Variants in TRIM29 observed in about 807,000 individuals in gnomAD.
TRIM29 encodes the protein tripartite motif-containing protein 29.
A neutral mutation model predicts 57.3 loss-of-function variants in TRIM29; 52 were observed. The ratio of observed to expected loss-of-function variants is 0.91; its 90% CI spans 0.73 to 1.14. The LOEUF is 1.14. TRIM29 is among the 50% of genes most tolerant of loss of function. TRIM29 has a pLI of 0.00. For synonymous variants in TRIM29, 319 were observed against 316.9 expected, an observed-to-expected ratio of 1.01 and a Z score of -0.07; for missense variants, 753 against 774.6, an observed-to-expected ratio of 0.97 and a Z score of 0.33.
intron 2 of TRIM29, among the ~76,000 whole-genome samples, chr11:120,127,965 G>A (rs985291745): frequency 7.2e-5 from 11 of 152,168 alleles, no homozygotes; most frequent in African/African-American, 2.4e-4. Flanking sequence ...GTGTATGCTG[G>A]CTGTGTATGT....
rs557844201 is a variant in TRIM29, at chr11:120,128,407, C to T, written c.893G>A (p.Arg298His). ...EAEKWQKEKD[R>H]IKSFTTNEKA... ...AGCTTGGGGGCTGCTCACCTTGATGCGGTCCTTCTCCTTCTGCCACTTCTC... is the reference window on the plus strand; with the variant it reads ...AGCTTGGGGGCTGCTCACCTTGATGTGGTCCTTCTCCTTCTGCCACTTCTC... Residue 298 changes from arginine to histidine, a missense_variant, in exon 2 of 9, where the codon CGC becomes CAC. Coordinates refer to ENST00000341846, the MANE Select transcript of TRIM29 (RefSeq NM_012101.4). The T allele has an allele frequency of 2.9e-5, 47 of 1,611,514 alleles. No homozygotes were observed. The highest frequency in any genetic ancestry group is 2.9e-4 in the East Asian group (13 of 44,878).
intron 6 of TRIM29, among the ~76,000 whole-genome samples, chr11:120,120,184 C>T (rs534475775): frequency 4.6e-5 from 7 of 151,444 alleles, no homozygotes; most frequent in South Asian, 2.1e-4. Context: ...GGGGGGGTGG[C>T]GCATTCCCCA....
At position 120,127,467 on chromosome 11, in the gene TRIM29, G is replaced by A. The variant is rs754251311; in HGVS notation, c.1003C>T (p.Arg335Trp). 5.1e-5 allele frequency: 83 copies of A among 1,614,008 alleles called. No homozygotes were observed. The highest frequency in any genetic ancestry group is 1.8e-4 in the East Asian group (8 of 44,896). The change falls in exon 3 of 9, where the codon CGG becomes TGG. Residue 335 changes from arginine to tryptophan, a missense_variant. Coordinates refer to ENST00000341846, the MANE Select transcript of TRIM29 (RefSeq NM_012101.4). Reference sequence around the variant, plus strand: ...ACTTGGTCCACAGCATCCTGCTCCCGCTGCTCCAGCGCAGCCCTCACTTCC... The same window carrying A: ...ACTTGGTCCACAGCATCCTGCTCCCACTGCTCCAGCGCAGCCCTCACTTCC... The part of the protein sequence containing the change: ...KEEVRAALEQ[R>W]EQDAVDQVKV...
chr11:120,121,675 A>G, intron 5 of TRIM29: 1 of 207,942 alleles, frequency 4.8e-6, no homozygotes, highest in South Asian at 7.9e-5. Flanking sequence ...AAGATGCCCC[A>G]GGCCCTAGGC....
Position 120,137,597 on chromosome 11 carries a change from GGGCTCCATGATGGACACCGT to G in TRIM29, c.415_434del (p.Thr139ArgfsTer76). The G allele has an allele frequency of 9.9e-6, 16 of 1,613,350 alleles. No individual in the cohort carries two copies. Among genetic ancestry groups the G allele is most frequent in the Non-Finnish European group, 1.4e-5 (16 of 1,179,982 alleles). On this transcript the variant is annotated frameshift_variant, in exon 1 of 9. Coordinates refer to ENST00000341846, the MANE Select transcript of TRIM29 (RefSeq NM_012101.4). LOFTEE classifies it high-confidence loss of function. This position sits in a 1 kb window ranked among gnomAD's most constrained non-coding sequence, Gnocchi z 6.2. ...GGTAGCTGTTCCGCCGGGTCTCCCC[GGGCTCCATGATGGACACCGT>G]GGGCTTCCGGGACTCCGAGAAAATG...
intron 5 of TRIM29, chr11:120,120,884 A>T: frequency 3.1e-6 from 2 of 651,590 alleles, no homozygotes; most frequent in Non-Finnish European, 5.6e-6. Context: ...GAGCATCAGC[A>T]TAAACTTGGA....
chr11:120,115,376 G>A lies in TRIM29; in HGVS notation c.1666C>T (p.Gln556Ter). The change falls in exon 8 of 9, where the codon CAG (glutamine) becomes TAG (stop). Residue 556 changes from glutamine (Q) to a stop codon, truncating the protein, a stop_gained. Transcript: ENST00000341846. LOFTEE classifies it high-confidence loss of function. ...SLMRSQSPKAQPQTWKSGKQT... is the reference protein window; with the variant it reads ...SLMRSQSPKA ...TTGCCAGATTTCCAAGTCTGGGGCT[G>A]GGCCTTGGGGCTTTGGCTCCGCATG... 1.2e-6 allele frequency: 2 copies of A among 1,613,942 alleles called. No individual in the cohort carries two copies. Among genetic ancestry groups the A allele is most frequent in the South Asian group, 1.1e-5 (1 of 91,022 alleles).
intron 6 of TRIM29, among the ~76,000 whole-genome samples, chr11:120,119,788 C>T (rs562831086): frequency 4.6e-5 from 7 of 152,134 alleles, no homozygotes; most frequent in Admixed American, 6.5e-5. Context: ...TGGGGGCTGA[C>T]CCAGTCCCCT....
chr11:120,121,658 C>G (rs1056571875), intron 5 of TRIM29: 3 of 202,958 alleles, frequency 1.5e-5, no homozygotes, highest in Non-Finnish European at 2.1e-5. Context: ...GGTACTGAGG[C>G]CTGCCCAAGA....
chr11:120,137,746 T>C lies in TRIM29; in HGVS notation c.286A>G (p.Met96Val), dbSNP rs773957285. The C allele has an allele frequency of 3.1e-6, 5 of 1,612,516 alleles. No individual in the cohort carries two copies. The highest frequency in any genetic ancestry group is 4.2e-6 in the Non-Finnish European group (5 of 1,180,012). ...GDDKNSNYFS[M>V]DSMEGKRSPY... ...GACCTCTTGCCTTCCATAGAGTCCA[T>C]GCTGAAGTAGTTGGAGTTCTTGTCG... Residue 96 changes from methionine (M) to valine (V), a missense_variant, in exon 1 of 9, where the codon ATG becomes GTG. Transcript: ENST00000341846. The surrounding 1 kb of genome is among the most constrained non-coding windows in gnomAD (Gnocchi z 6.2).
chr11:120,119,097 C>G (rs1863363318), intron 6 of TRIM29, among the ~76,000 whole-genome samples: 2 of 152,162 alleles, frequency 1.3e-5, no homozygotes, highest in Non-Finnish European at 2.9e-5. Flanking sequence ...GGGGACAAGA[C>G]AGTTGATAGT....
intron 5 of TRIM29, among the ~76,000 whole-genome samples, chr11:120,122,196 G>A (rs890974100): frequency 4.0e-5 from 6 of 150,836 alleles, no homozygotes; most frequent in East Asian, 2.0e-4. Context: ...ATTAGCTCCC[G>A]GAGGCTTCCC....
intron 8 of TRIM29, chr11:120,113,751 G>A (rs1421346232): frequency 4.4e-6 from 2 of 452,658 alleles, no homozygotes; most frequent in Non-Finnish European, 8.9e-6. Flanking sequence ...GACCCCCAGG[G>A]GCCAGCCTGG....
chr11:120,133,307 A>G (rs1863753565), intron 1 of TRIM29, among the ~76,000 whole-genome samples: 1 of 152,192 alleles, frequency 6.6e-6, no homozygotes, highest in African/African-American at 2.4e-5. Context: ...AGCGGAGAGG[A>G]ATCCCAGCTC....
intron 3 of TRIM29, 23 bp downstream of exon 3, chr11:120,127,312 AG>A: frequency 6.2e-7 from 1 of 1,606,646 alleles, no homozygotes; most frequent in Non-Finnish European, 8.5e-7. Context: ...CGAGGGCTTG[AG>A]TGACAGAGGA....
intron 1 of TRIM29, among the ~76,000 whole-genome samples, chr11:120,133,532 C>A (rs1369692838): frequency 6.6e-6 from 1 of 152,094 alleles, no homozygotes; most frequent in African/African-American, 2.4e-5. Context: ...CAGAGAGGCC[C>A]CCCTACCTCC....
intron 5 of TRIM29, among the ~76,000 whole-genome samples, chr11:120,122,339 G>C (rs1015098720): frequency 1.3e-5 from 2 of 152,094 alleles, no homozygotes; most frequent in African/African-American, 4.8e-5. Context: ...GCTGTGGTTT[G>C]TTGCTGGCGC....
chr11:120,115,575 G>T lies in TRIM29; in HGVS notation c.1628-161C>A, dbSNP rs560853008. 7 of 636,362 alleles carry T rather than the reference G, an allele frequency of 1.1e-5. No individual in the cohort carries two copies. The Middle Eastern group carries it at 1.8e-3, about 164-fold the overall frequency. 39.4% of individuals were successfully genotyped at this position (636,362 alleles called of 1,614,324 possible). On this transcript the variant is annotated intron_variant, in intron 7 of 8. Coordinates refer to ENST00000341846, the MANE Select transcript of TRIM29 (RefSeq NM_012101.4). ...ACACGCGTGCAGCAGCCAGGGTGCC[G>T]CAACCGAAAATCCTGGGGAGGCTGG...
intron 7 of TRIM29, chr11:120,115,646 C>T: frequency 1.8e-6 from 1 of 544,872 alleles, no homozygotes; most frequent in East Asian, 3.2e-5. Context: ...GAGGAGCCGG[C>T]CAGGTGGGCT....
Sources: allele counts gnomAD v4.1 joint callset (sites outside exome capture counted in the v4.1 genomes callset), GRCh38; gene constraint gnomAD v4.1.1; non-coding constraint Gnocchi (gnomAD v3.1); transcripts MANE v1.5; gene names NCBI Gene and HGNC (gene_info 2026-07-23, HGNC 2026-07-21).